Variants in PHEX observed in about 807,000 individuals in gnomAD.
PHEX encodes the protein phosphate regulating endopeptidase X-linked, also known as phosphate-regulating neutral endopeptidase PHEX.
PHEX carries 16 observed loss-of-function variants against 68.0 expected under a neutral mutation model. That is an observed-to-expected ratio of 0.24 (90% CI 0.16 to 0.36). PHEX has a LOEUF of 0.36. PHEX is among the 10% of genes least tolerant of loss of function. The pLI, the probability that PHEX is intolerant of heterozygous loss-of-function variation, is 1.00. For missense variants in PHEX, 480 were observed against 575.5 expected (o/e 0.83, Z 1.70); for synonymous variants, 208 against 205.1 (o/e 1.01, Z -0.12).
rs1244462499 is a variant in PHEX at position 22,249,534 on chromosome X, C to T, written c.*1581C>T. ...CCATGTCCTTTTGTAGCCATGGGAACGTTTGAATGGAGAAAAATGGAGGGG... is the reference window on the plus strand; with the variant it reads ...CCATGTCCTTTTGTAGCCATGGGAATGTTTGAATGGAGAAAAATGGAGGGG... On this transcript the variant is annotated 3_prime_UTR_variant, in exon 22 of 22. Coordinates refer to ENST00000379374, the MANE Select transcript of PHEX (RefSeq NM_000444.6). The T allele has an allele frequency of 3.3e-5, 3 of 89,791 alleles. 1 individual carries two copies. The Admixed American group carries it at 3.9e-4, about 12-fold the overall frequency. 7.4% of individuals were successfully genotyped at this position (89,791 alleles called of 1,213,427 possible).
chrX:22,197,715 T>G (rs1934411312), intron 15 of PHEX, among the ~76,000 whole-genome samples: 1 of 111,477 alleles, frequency 9.0e-6, no homozygotes, highest in Non-Finnish European at 1.9e-5. Context: ...TGGGGATGAT[T>G]TGTTACACAG....
chrX:22,130,003 T>C (rs904633449), intron 11 of PHEX, among the ~76,000 whole-genome samples: 1 of 111,910 alleles, frequency 8.9e-6, no homozygotes, highest in Non-Finnish European at 1.9e-5. Flanking sequence ...CTCAGTCTTA[T>C]TGAATGACGG....
intron 3 of PHEX, among the ~76,000 whole-genome samples, chrX:22,052,567 T>C (rs1009517516): frequency 1.8e-5 from 2 of 111,782 alleles, no homozygotes; most frequent in South Asian, 3.7e-4. Context: ...CTGTGTTATT[T>C]AGGTTATTTT....
At chrX:22,079,610 A>T (rs949215288) in intron 5 of PHEX, among the ~76,000 whole-genome samples, 2 of 111,319 alleles carry the variant, frequency 1.8e-5, no homozygotes, top group African/African-American at 6.5e-5. Context: ...AAAAAAAAAA[A>T]CAGTTGGTCT....
intron 2 of PHEX, among the ~76,000 whole-genome samples, chrX:22,043,042 C>T (rs758357279): frequency 8.9e-6 from 1 of 112,239 alleles, no homozygotes; most frequent in East Asian, 2.8e-4. Context: ...CCTATAGAAA[C>T]ATTAATGCAC....
chrX:22,040,747 G>A (rs1014407719), intron 2 of PHEX, among the ~76,000 whole-genome samples: 3 of 110,636 alleles, frequency 2.7e-5, no homozygotes, highest in African/African-American at 9.9e-5. Context: ...CAAGTGATGA[G>A]GAGTCAATGG....
chrX:22,153,361 G>C (rs990757214), intron 12 of PHEX, among the ~76,000 whole-genome samples: 1 of 111,964 alleles, frequency 8.9e-6, no homozygotes, highest in Admixed American at 9.5e-5. Context: ...GGAAAACATG[G>C]TAGACATAAT....
At chrX:22,173,024 A>AGTGTGTGTGT (rs201759120) in intron 13 of PHEX, 83 of 105,351 alleles carry the variant, frequency 7.9e-4, no homozygotes, top group African/African-American at 2.8e-3. Context: ...GTGTGTGTGT[A>AGTGTGTGTGT]GTGTGTGTGT....
chrX:22,047,148 G>A lies in PHEX; in HGVS notation c.286G>A (p.Glu96Lys), dbSNP rs149168023. The change falls in exon 3 of 22, where the codon GAA (glutamate) becomes AAA (lysine). Residue 96 changes from glutamate to lysine, a missense_variant. By Grantham distance (56) the Glu-to-Lys change is moderately conservative. Coordinates refer to ENST00000379374, the MANE Select transcript of PHEX (RefSeq NM_000444.6). ...CTGGATAAGCAATAATCCAATTCCC[G>A]AAGATATGCCAAGCTATGGGGTTTA... ...DGWISNNPIPEDMPSYGVYPW... is the reference protein window; with the variant it reads ...DGWISNNPIPKDMPSYGVYPW... 5 of 1,207,269 alleles carry A rather than the reference G, an allele frequency of 4.1e-6. No homozygotes were observed. The highest frequency in any genetic ancestry group is 5.6e-6 in the Non-Finnish European group (5 of 892,889).
chrX:22,114,045 G>C (rs1034771249), intron 10 of PHEX, among the ~76,000 whole-genome samples: 1 of 102,074 alleles, frequency 9.8e-6, no homozygotes, highest in Non-Finnish European at 2.0e-5. Flanking sequence ...CGCTTCCTGG[G>C]TTCACACAAT....
At chrX:22,224,996 A>ATACAGCGCTGTAT (rs1935441593) in intron 18 of PHEX, among the ~76,000 whole-genome samples, 7 of 923 alleles carry the variant, frequency 7.6e-3, no homozygotes, top group African/African-American at 0.015. Context: ...TCTGTATGTC[A>ATACAGCGCTGTAT]GAAGTCTGAC....
intron 12 of PHEX, among the ~76,000 whole-genome samples, chrX:22,165,878 G>C (rs1385673943): frequency 2.7e-5 from 3 of 111,940 alleles, no homozygotes; most frequent in African/African-American, 9.8e-5. Context: ...TGGGCCACAG[G>C]GTGTCTGACC....
Position 22,248,822 on chromosome X carries a change from GTTCGT to G in PHEX, c.*873_*877del, listed in dbSNP as rs1717627334. On this transcript the variant is annotated 3_prime_UTR_variant, in exon 22 of 22. Coordinates refer to ENST00000379374, the MANE Select transcript of PHEX (RefSeq NM_000444.6). ...GACACTTTTTTTTAGCCTAATTCTT[GTTCGT>G]TTCATTACCTTCATATGTGTGCATT... The G allele has an allele frequency of 9.0e-6, 1 of 111,133 alleles. No individual in the cohort carries two copies. Among genetic ancestry groups the G allele is most frequent in the Admixed American group, 9.5e-5 (1 of 10,474 alleles). 9.2% of individuals were successfully genotyped at this position (111,133 alleles called of 1,213,427 possible). A position where few individuals can be genotyped will look rare whatever the true frequency, so the allele number is the denominator to read the frequency against.
intron 2 of PHEX, among the ~76,000 whole-genome samples, chrX:22,046,563 CTTT>C (rs529373663): frequency 4.9e-3 from 375 of 76,982 alleles, no homozygotes; most frequent in African/African-American, 0.016. Flanking sequence ...TATCCATTCC[CTTT>C]TTTTTTTTTT....
At chrX:22,043,232 C>T (rs973021091) in intron 2 of PHEX, among the ~76,000 whole-genome samples, 7 of 112,190 alleles carry the variant, frequency 6.2e-5, no homozygotes, top group African/African-American at 1.9e-4. Context: ...TACATACATA[C>T]GTACATACAG....
chrX:22,248,015 G>A lies in PHEX; in HGVS notation c.*62G>A. 1.3e-6 allele frequency: 1 copy of A among 789,597 alleles called. No individual in the cohort carries two copies. Among genetic ancestry groups the A allele is most frequent in the Admixed American group, 2.2e-5 (1 of 45,126 alleles). 65.1% of individuals were successfully genotyped at this position (789,597 alleles called of 1,213,427 possible). ...ACAGTGCCAGCGGAGGCTGCACTGA[G>A]CCTTCATCGCCCATTGCTTTAGGCC... On this transcript the variant is annotated 3_prime_UTR_variant, in exon 22 of 22. Transcript: ENST00000379374.
intron 8 of PHEX, 114 bp downstream of exon 8, chrX:22,097,152 A>G: frequency 1.7e-6 from 1 of 573,314 alleles, no homozygotes; most frequent in Non-Finnish European, 3.1e-6. Context: ...CTTGGTTATC[A>G]TCATCTTTGT....
intron 5 of PHEX, among the ~76,000 whole-genome samples, chrX:22,084,539 GTT>G (rs76410908): frequency 0.023 from 1,751 of 75,757 alleles, 20 homozygotes; most frequent in African/African-American, 0.041. Context: ...CTTCTCTTCA[GTT>G]TTTTTTTTTT....
intron 12 of PHEX, 114 bp from the exon 13 acceptor site, chrX:22,168,198 A>C: frequency 1.7e-6 from 1 of 585,029 alleles, no homozygotes; most frequent in Non-Finnish European, 3.0e-6. Context: ...GCTTGCATAT[A>C]GTAGATATTC....
Sources: allele counts gnomAD v4.1 joint callset (sites outside exome capture counted in the v4.1 genomes callset), GRCh38; gene constraint gnomAD v4.1.1; transcripts MANE v1.5; gene names NCBI Gene and HGNC (gene_info 2026-07-23, HGNC 2026-07-21).